The following PMF1 variants were observed in gnomAD, a reference collection of about 807,000 sequenced individuals.
PMF1 encodes the protein polyamine modulated factor 1.
Under a neutral mutation model 26.7 loss-of-function variants are expected in PMF1, and 21 were observed. The observed-to-expected ratio is 0.79, with a 90% CI of 0.56 to 1.13. PMF1 has a LOEUF of 1.13. Among genes scored for constraint, PMF1 ranks in the 50% most tolerant of loss-of-function variants. The probability of loss-of-function intolerance (pLI) is 0.00; values close to 1 mark genes in which losing one functional copy is unlikely to be tolerated. For synonymous variants in PMF1, 105 were observed against 101.0 expected, an observed-to-expected ratio of 1.04 and a Z score of -0.24; for missense variants, 266 against 254.9, an observed-to-expected ratio of 1.04 and a Z score of -0.30.
At chr1:156,213,201 G>C (rs1360774456) in intron 1 of PMF1, 25 bp downstream of exon 1, 1 of 1,608,078 alleles carries the variant, frequency 6.2e-7, no homozygotes, top group African/African-American at 1.3e-5. Flanking sequence ...GCCGCGGTGG[G>C]AGTGTTTGTT....
intron 1 of PMF1, among the ~76,000 whole-genome samples, chr1:156,225,334 G>C (rs1658305865): frequency 7.4e-6 from 1 of 135,284 alleles, no homozygotes; most frequent in Non-Finnish European, 1.5e-5. Context: ...TTGGGGAACA[G>C]GTGGTGTTTG....
Position 156,239,690 on chromosome 1 carries a change from C to T in PMF1, c.*89C>T, listed in dbSNP as rs553947060. On this transcript the variant is annotated 3_prime_UTR_variant, in exon 5 of 5. Transcript: ENST00000368277. ...GGCCTGGGCGGGCTACCTCTGAGAA[C>T]GGCTGAAATGGTGCCCAGTCCATCA... The T allele has an allele frequency of 4.4e-5, 47 of 1,056,790 alleles. No homozygotes were observed. The highest frequency in any genetic ancestry group is 3.5e-4 in the South Asian group (27 of 76,598). The allele number at this position is 1,056,790 out of a possible 1,614,324, so 65.5% of individuals were successfully genotyped here.
intron 3 of PMF1, among the ~76,000 whole-genome samples, chr1:156,234,865 G>C (rs1019218039): frequency 1.3e-5 from 2 of 151,948 alleles, no homozygotes; most frequent in African/African-American, 4.8e-5. Context: ...CCAAATACCT[G>C]CTCTCCTGGA....
chr1:156,221,159 C>A (rs1658060056), intron 1 of PMF1, among the ~76,000 whole-genome samples: 1 of 152,124 alleles, frequency 6.6e-6, no homozygotes, highest in African/African-American at 2.4e-5. Context: ...CCCCCTCCTC[C>A]CATCTGATGT....
chr1:156,225,576 G>T, intron 1 of PMF1: 1 of 1,556,604 alleles, frequency 6.4e-7, no homozygotes. Context: ...CCTTCATTGG[G>T]ACGGAAGTGC....
intron 2 of PMF1, 34 bp from the exon 3 acceptor site, chr1:156,233,594 G>T: frequency 6.2e-7 from 1 of 1,607,020 alleles, no homozygotes; most frequent in Non-Finnish European, 8.5e-7. Context: ...AGCTCATCTC[G>T]TGTCATTACA....
chr1:156,215,815 A>T (rs1657664109), intron 1 of PMF1, among the ~76,000 whole-genome samples: 1 of 151,942 alleles, frequency 6.6e-6, no homozygotes, highest in South Asian at 2.1e-4. Flanking sequence ...CAGCCTCCCG[A>T]GTGGCTGGGA....
intron 1 of PMF1, among the ~76,000 whole-genome samples, chr1:156,216,601 C>G (rs1572477636): frequency 6.6e-6 from 1 of 151,750 alleles, no homozygotes; most frequent in African/African-American, 2.4e-5. Context: ...CCGAGCGTCC[C>G]GACTCCCGGT....
At chr1:156,221,543 GT>G (rs1658082475) in intron 1 of PMF1, among the ~76,000 whole-genome samples, 1 of 152,148 alleles carries the variant, frequency 6.6e-6, no homozygotes. Context: ...TATCTTGTCT[GT>G]CTTGTTCATC....
chr1:156,225,635 T>C (rs533492930), intron 1 of PMF1: 10 of 1,562,390 alleles, frequency 6.4e-6, no homozygotes, highest in South Asian at 3.5e-5. Flanking sequence ...AGGCCTTCAG[T>C]TGGGCGGCGT....
chr1:156,228,596 C>T (rs1335687580), intron 1 of PMF1, among the ~76,000 whole-genome samples: 1 of 152,158 alleles, frequency 6.6e-6, no homozygotes, highest in Admixed American at 6.5e-5. Flanking sequence ...GAATTTGCTT[C>T]ACCCCTGCCC....
At chr1:156,223,981 A>AT (rs1266899119) in intron 1 of PMF1, 2 of 152,128 alleles carry the variant, frequency 1.3e-5, no homozygotes, top group Non-Finnish European at 2.9e-5. Context: ...TCCTGCTGGC[A>AT]TTTTTTATCT....
At chr1:156,239,513 A>G (rs777572748) in intron 4 of PMF1, 35 bp from the exon 5 acceptor site, 1 of 1,592,294 alleles carries the variant, frequency 6.3e-7, no homozygotes, top group Admixed American at 1.7e-5. Flanking sequence ...GTTTTCTTAG[A>G]TCCCAGTTTG....
chr1:156,220,941 C>A (rs1291441609), intron 1 of PMF1: 1 of 152,186 alleles, frequency 6.6e-6, no homozygotes, highest in East Asian at 1.9e-4. Context: ...CATGAGCCAC[C>A]GCGCCCAGCT....
At chr1:156,213,766 A>G (rs1657528596) in intron 1 of PMF1, among the ~76,000 whole-genome samples, 1 of 152,174 alleles carries the variant, frequency 6.6e-6, no homozygotes, top group African/African-American at 2.4e-5. Context: ...AAATGAGTAA[A>G]TACACCTAAG....
intron 1 of PMF1, chr1:156,223,804 G>T (rs968458028): frequency 6.6e-6 from 1 of 152,100 alleles, no homozygotes; most frequent in Non-Finnish European, 1.5e-5. Flanking sequence ...AGCCTTCCCC[G>T]AGCCCCTGCT....
chr1:156,224,890 C>T (rs1205069494), intron 1 of PMF1, among the ~76,000 whole-genome samples: 1 of 149,704 alleles, frequency 6.7e-6, no homozygotes. Flanking sequence ...AGAAAAAGAC[C>T]AAATGGAGAA....
rs562078214 is a variant in PMF1, at chr1:156,239,306, C to T, written c.565-242C>T. ...GGACCCTTGCTGAAGATGATGGGCT[C>T]TGCTCTGGGGATGCCCAGCCTAGGT... On this transcript the variant is annotated intron_variant, in intron 4 of 4. Transcript: ENST00000368277. 3.9e-5 allele frequency among the ~76,000 whole-genome samples: 6 copies of T among 152,342 alleles called. No homozygotes were observed. The South Asian group carries it at 1.2e-3, about 32-fold the overall frequency.
intron 4 of PMF1, among the ~76,000 whole-genome samples, chr1:156,237,520 C>T (rs1276375270): frequency 6.7e-6 from 1 of 148,186 alleles, no homozygotes; most frequent in Non-Finnish European, 1.5e-5. Flanking sequence ...GATCTCAGCT[C>T]ACTGCAACCT....
Sources: gnomAD v4.1 joint callset for allele counts (sites outside exome capture counted in the v4.1 genomes callset) on GRCh38, gnomAD v4.1.1 for gene constraint, MANE v1.5 for transcripts, NCBI Gene and HGNC (gene_info 2026-07-23, HGNC 2026-07-21) for gene names.